DDC: variants seen among roughly 807,000 people sequenced by gnomAD.
DDC encodes the protein dopa decarboxylase, also known as aromatic-L-amino-acid decarboxylase.
DDC carries 43 observed loss-of-function variants against 60.0 expected under a neutral mutation model. The observed-to-expected ratio is 0.72, with a 90% CI of 0.56 to 0.92. The LOEUF is 0.92. Among genes scored for constraint, DDC ranks in the 40% least tolerant of loss-of-function variants. The pLI is 0.00. For missense variants in DDC, 573 were observed against 620.2 expected (o/e 0.92, Z 0.81); for synonymous variants, 232 against 234.6 (o/e 0.99, Z 0.10).
intron 4 of DDC, among the ~76,000 whole-genome samples, chr7:50,535,016 AC>A (rs1563035894): frequency 6.6e-6 from 1 of 152,222 alleles, no homozygotes. Context: ...ATACTCACTG[AC>A]CAGAAGAAAA....
At chr7:50,483,386 A>G (rs1442840996) in intron 9 of DDC, among the ~76,000 whole-genome samples, 1 of 152,130 alleles carries the variant, frequency 6.6e-6, no homozygotes, top group Non-Finnish European at 1.5e-5. Context: ...TTAAAATCTC[A>G]TTGGATTTTA....
intron 1 of DDC, among the ~76,000 whole-genome samples, chr7:50,547,288 G>A (rs1474635243): frequency 6.6e-6 from 1 of 151,838 alleles, no homozygotes; most frequent in Non-Finnish European, 1.5e-5. Context: ...TTGGCTCACG[G>A]CAACCTCTGC....
intron 6 of DDC, among the ~76,000 whole-genome samples, chr7:50,514,617 A>G (rs2043678184): frequency 6.6e-6 from 1 of 152,228 alleles, no homozygotes; most frequent in South Asian, 2.1e-4. Context: ...ATTCAAGGAA[A>G]TAGATGCATA....
At chr7:50,528,307 T>G (rs761713384) in intron 5 of DDC, 27 bp from the exon 6 acceptor site, 1 of 1,613,794 alleles carries the variant, frequency 6.2e-7, no homozygotes, top group East Asian at 2.2e-5. Flanking sequence ...AGAGTTGGAT[T>G]TGTACAGGTG....
At chr7:50,476,112 C>T (rs1644720513) in intron 11 of DDC, among the ~76,000 whole-genome samples, 1 of 152,178 alleles carries the variant, frequency 6.6e-6, no homozygotes, top group African/African-American at 2.4e-5. Context: ...GCCTTTGGTC[C>T]CAAATTCCTT....
At chr7:50,528,325 G>A in intron 5 of DDC, 45 bp from the exon 6 acceptor site, 1 of 1,612,606 alleles carries the variant, frequency 6.2e-7, no homozygotes. Flanking sequence ...GTGTGTGCAT[G>A]CAGTTATTAC....
chr7:50,532,208 T>G (rs1345843504), intron 4 of DDC, among the ~76,000 whole-genome samples: 1 of 152,196 alleles, frequency 6.6e-6, no homozygotes, highest in Non-Finnish European at 1.5e-5. Context: ...CAATCAGCCT[T>G]GTCTGCTGAG....
chr7:50,493,708 C>T (rs1368276992), intron 9 of DDC, among the ~76,000 whole-genome samples: 1 of 151,916 alleles, frequency 6.6e-6, no homozygotes, highest in Admixed American at 6.6e-5. Flanking sequence ...TCTGAAATGC[C>T]CACATACCAA....
intron 7 of DDC, among the ~76,000 whole-genome samples, chr7:50,502,988 C>T (rs1420392061): frequency 6.6e-6 from 1 of 152,250 alleles, no homozygotes; most frequent in Admixed American, 6.5e-5. Context: ...ACCTTCAGCA[C>T]CGGCCTTCCC....
chr7:50,527,264 T>A (rs2044064636), intron 6 of DDC, among the ~76,000 whole-genome samples: 1 of 152,224 alleles, frequency 6.6e-6, no homozygotes, highest in African/African-American at 2.4e-5. Flanking sequence ...TTCATGAGTT[T>A]TGAAATTTTT....
intron 9 of DDC, among the ~76,000 whole-genome samples, chr7:50,490,078 C>T (rs1280802898): frequency 6.6e-6 from 1 of 152,126 alleles, no homozygotes; most frequent in Non-Finnish European, 1.5e-5. Flanking sequence ...TTACAATGGC[C>T]TCTGTGTGAT....
At chr7:50,475,088 A>G (rs959491640) in intron 11 of DDC, among the ~76,000 whole-genome samples, 3 of 151,928 alleles carry the variant, frequency 2.0e-5, no homozygotes, top group Non-Finnish European at 4.4e-5. Context: ...TGGAGAAGGT[A>G]TTGCAATTTT....
chr7:50,476,686 A>C, intron 10 of DDC, 43 bp from the exon 11 acceptor site: 1 of 1,573,206 alleles, frequency 6.4e-7, no homozygotes, highest in Non-Finnish European at 8.7e-7. Context: ...ATCGTTAGAC[A>C]GGTTTGTTGA....
At chr7:50,489,342 A>G (rs997677461) in intron 9 of DDC, among the ~76,000 whole-genome samples, 3 of 152,198 alleles carry the variant, frequency 2.0e-5, no homozygotes, top group African/African-American at 7.2e-5. Context: ...TATTCTCTAA[A>G]TTCTTCTATG....
intron 8 of DDC, among the ~76,000 whole-genome samples, chr7:50,496,710 CG>C (rs1391461916): frequency 6.6e-6 from 1 of 152,110 alleles, no homozygotes; most frequent in East Asian, 1.9e-4. Context: ...TAATTGATAC[CG>C]AAATAAAGGT....
chr7:50,514,503 T>C (rs2043674159), intron 6 of DDC, among the ~76,000 whole-genome samples: 1 of 151,878 alleles, frequency 6.6e-6, no homozygotes, highest in Non-Finnish European at 1.5e-5. Flanking sequence ...ACCTGAAAAA[T>C]AATTCAGAAG....
intron 6 of DDC, among the ~76,000 whole-genome samples, chr7:50,505,770 A>T (rs1342302913): frequency 6.6e-6 from 1 of 152,258 alleles, no homozygotes; most frequent in Non-Finnish European, 1.5e-5. Context: ...GGCCCAAAAC[A>T]GGTCCTGGCT....
intron 1 of DDC, among the ~76,000 whole-genome samples, chr7:50,549,758 T>C (rs546354380): frequency 6.6e-6 from 1 of 152,166 alleles, no homozygotes; most frequent in South Asian, 2.1e-4. Flanking sequence ...ACAGACGACT[T>C]CAAGTTTCAA....
At chr7:50,461,527 A>C (rs1213926264) in intron 14 of DDC, among the ~76,000 whole-genome samples, 2 of 152,216 alleles carry the variant, frequency 1.3e-5, no homozygotes, top group Non-Finnish European at 2.9e-5. Flanking sequence ...TATCGGAAAC[A>C]CACCTTTGCT....
Sources: allele counts gnomAD v4.1 joint callset (sites outside exome capture counted in the v4.1 genomes callset), GRCh38; gene constraint gnomAD v4.1.1; transcripts MANE v1.5; gene names NCBI Gene and HGNC (gene_info 2026-07-23, HGNC 2026-07-21).